Variants in ZSCAN5A observed in about 807,000 individuals in gnomAD.
ZSCAN5A encodes zinc finger and SCAN domain containing 5A.
In ZSCAN5A, 12 loss-of-function variants were observed where a neutral mutation model predicts 23.7. The observed-to-expected ratio is 0.51, with a 90% CI of 0.32 to 0.82. ZSCAN5A has a LOEUF of 0.82. ZSCAN5A is among the 40% of genes least tolerant of loss of function. The pLI, the probability that ZSCAN5A is intolerant of heterozygous loss-of-function variation, is 0.03. For missense variants in ZSCAN5A, 597 were observed against 617.9 expected, an observed-to-expected ratio of 0.97 and a Z score of 0.36; for synonymous variants, 257 against 239.9, an observed-to-expected ratio of 1.07 and a Z score of -0.66.
chr19:56,273,532 T>C (rs551793904), intron 2 of ZSCAN5A, among the ~76,000 whole-genome samples: 12 of 152,286 alleles, frequency 7.9e-5, no homozygotes, highest in East Asian at 7.7e-4. Context: ...GATTCGGAGA[T>C]GGCCTCTCTA....
In ZSCAN5A at chr19:56,351,512, A is replaced by G. The variant is rs966791289; in HGVS notation, c.-358+11723T>C. ...ATACTGCCTCCTCCAGCCTCCAGAT[A>G]TAAGGGACTGTCTTTCTGTTGCGCA... On this transcript the variant is annotated intron_variant, in intron 2 of 6. Coordinates refer to the ZSCAN5A transcript ENST00000587340. The surrounding 1 kb of genome is among the most constrained non-coding windows in gnomAD (Gnocchi z 4.8). 5.3e-5 allele frequency among the ~76,000 whole-genome samples: 8 copies of G among 152,156 alleles called. No individual in the cohort carries two copies. The highest frequency in any genetic ancestry group is 7.4e-5 in the Non-Finnish European group (5 of 68,016).
rs1444010692 is a variant in ZSCAN5A at position 56,234,995 on chromosome 19, C to T, written c.-127-9822G>A. 7.9e-5 allele frequency among the ~76,000 whole-genome samples: 12 copies of T among 152,362 alleles called. No homozygotes were observed. In the South Asian group the frequency reaches 8.3e-4, roughly 11 times the overall value. ...GCAGCCAGTTCTAGGCAAGATTAGG[C>T]AGCACACAGGCCACATCCTCACTCC... On this transcript the variant is annotated intron_variant, in intron 2 of 5. Transcript: ENST00000683990.
At chr19:56,301,320 T>C (rs1199065382) in intron 2 of ZSCAN5A, among the ~76,000 whole-genome samples, 1 of 152,158 alleles carries the variant, frequency 6.6e-6, no homozygotes, top group Non-Finnish European at 1.5e-5. Flanking sequence ...TTCCTGGAGC[T>C]GAGGGTGCCT....
chr19:56,240,032 G>C (rs895211043), intron 2 of ZSCAN5A, among the ~76,000 whole-genome samples: 8 of 151,974 alleles, frequency 5.3e-5, no homozygotes, highest in African/African-American at 9.7e-5. Context: ...CGTGGTGGCG[G>C]GCACCTGTAA....
At chr19:56,294,811 G>A (rs923849193) in intron 2 of ZSCAN5A, among the ~76,000 whole-genome samples, 9 of 152,226 alleles carry the variant, frequency 5.9e-5, no homozygotes, top group African/African-American at 1.9e-4. Flanking sequence ...CACAAAGAAA[G>A]TGCTGACACA....
intron 2 of ZSCAN5A, among the ~76,000 whole-genome samples, chr19:56,234,050 T>TA (rs2034681251): frequency 6.6e-6 from 1 of 151,976 alleles, no homozygotes; most frequent in African/African-American, 2.4e-5. Flanking sequence ...ACTCTACAAA[T>TA]AAGAGATTGT....
intron 4 of ZSCAN5A, 106 bp from the exon 5 acceptor site, chr19:56,222,847 G>C (rs1221494147): frequency 6.6e-7 from 1 of 1,516,474 alleles, no homozygotes; most frequent in African/African-American, 1.4e-5. Context: ...TAATGACACA[G>C]GTGTGGAAAT....
At chr19:56,307,437 T>TA (rs753407601) in intron 2 of ZSCAN5A, among the ~76,000 whole-genome samples, 3 of 152,288 alleles carry the variant, frequency 2.0e-5, no homozygotes, top group Non-Finnish European at 4.4e-5. Context: ...TCCCAATATA[T>TA]AAAAAATTCT....
intron 2 of ZSCAN5A, among the ~76,000 whole-genome samples, chr19:56,294,911 CAT>C (rs1311055284): frequency 6.6e-6 from 1 of 152,206 alleles, no homozygotes; most frequent in Non-Finnish European, 1.5e-5. Flanking sequence ...GTCTCTACGA[CAT>C]GTCCACAGCA....
At chr19:56,254,523 C>G (rs935632484) in intron 2 of ZSCAN5A, among the ~76,000 whole-genome samples, 1 of 152,154 alleles carries the variant, frequency 6.6e-6, no homozygotes, top group Admixed American at 6.5e-5. Flanking sequence ...GCTTGGGTAG[C>G]TCCTACTTCT....
chr19:56,258,309 C>A (rs2036862533), intron 2 of ZSCAN5A, among the ~76,000 whole-genome samples: 1 of 152,176 alleles, frequency 6.6e-6, no homozygotes, highest in Non-Finnish European at 1.5e-5. Flanking sequence ...GACTACGTAT[C>A]AGGTCTCGTG....
intron 2 of ZSCAN5A, chr19:56,246,861 C>G (rs545088078): frequency 7.4e-6 from 12 of 1,610,822 alleles, no homozygotes; most frequent in African/African-American, 1.3e-5. Flanking sequence ...GCAGAGGAGA[C>G]GCTCTGAATC....
chr19:56,305,017 GCAAGGAAA>G (rs1198826315), intron 2 of ZSCAN5A, among the ~76,000 whole-genome samples: 1 of 152,144 alleles, frequency 6.6e-6, no homozygotes, highest in Non-Finnish European at 1.5e-5. Flanking sequence ...CCTGACAGGG[GCAAGGAAA>G]CACATTGTAA....
upstream of ZSCAN5A, chr19:56,314,968 G>A (rs2041272874): frequency 6.6e-6 from 1 of 152,252 alleles, no homozygotes; most frequent in South Asian, 2.1e-4. Context: ...CTTCACTCCT[G>A]CTTCCCCCAC....
intron 2 of ZSCAN5A, among the ~76,000 whole-genome samples, chr19:56,341,977 C>T (rs946067977): frequency 1.5e-4 from 23 of 151,990 alleles, no homozygotes; most frequent in African/African-American, 5.1e-4. Flanking sequence ...AATAAAATAT[C>T]TTATAATTTA....
At chr19:56,287,204 G>T (rs1004580764) in intron 2 of ZSCAN5A, among the ~76,000 whole-genome samples, 2 of 152,204 alleles carry the variant, frequency 1.3e-5, no homozygotes, top group South Asian at 4.1e-4. Context: ...CAACCTGGAA[G>T]TAGAACTCTC....
chr19:56,346,581 A>C (rs2041634846), intron 2 of ZSCAN5A, among the ~76,000 whole-genome samples: 1 of 152,126 alleles, frequency 6.6e-6, no homozygotes, highest in African/African-American at 2.4e-5. Flanking sequence ...CAGCAAAATA[A>C]ACTTTAGATA....
At position 56,221,954 on chromosome 19, in the gene ZSCAN5A, A is replaced by G; in HGVS notation, c.1112T>C (p.Leu371Pro). 6.2e-7 allele frequency: 1 copy of G among 1,614,108 alleles called. No individual in the cohort carries two copies. Among genetic ancestry groups the G allele is most frequent in the South Asian group, 1.1e-5 (1 of 91,078 alleles). ...TGTGTGTGATCTCTTGTGGATGACT[A>G]GCTTGGAATTACACGTAAACCTCTT... is the stretch of plus-strand genomic sequence containing the variant. Reference protein sequence around the residue: ...CEKRFTCNSKLVIHKRSHTGE... With the variant: ...CEKRFTCNSKPVIHKRSHTGE... The change falls in exon 6 of 6, where the codon CTA becomes CCA. Residue 371 changes from leucine to proline, a missense_variant. Transcript: ENST00000683990.
intron 2 of ZSCAN5A, among the ~76,000 whole-genome samples, chr19:56,261,223 A>C (rs1354561654): frequency 6.6e-6 from 1 of 152,058 alleles, no homozygotes; most frequent in Non-Finnish European, 1.5e-5. Context: ...AAAGAAAAAA[A>C]TAAAATGTAG....
Sources: allele counts gnomAD v4.1 joint callset (sites outside exome capture counted in the v4.1 genomes callset), GRCh38; gene constraint gnomAD v4.1.1; non-coding constraint Gnocchi (gnomAD v3.1); transcripts MANE v1.5; gene names NCBI Gene and HGNC (gene_info 2026-07-23, HGNC 2026-07-21).